The following HSCB variants were observed in gnomAD, a reference collection of about 807,000 sequenced individuals.
HSCB encodes HscB mitochondrial iron-sulfur cluster cochaperone.
A neutral mutation model predicts 31.3 loss-of-function variants in HSCB; 23 were observed. The observed-to-expected ratio is 0.74, with a 90% CI of 0.53 to 1.04. The LOEUF (loss-of-function observed/expected upper bound fraction) is 1.04. Ranked by LOEUF, HSCB falls within the 50% of genes least tolerant of loss-of-function variation. The probability of loss-of-function intolerance (pLI) is 0.00; values close to 1 mark genes in which losing one functional copy is unlikely to be tolerated. For synonymous variants in HSCB, 110 were observed against 104.5 expected, an observed-to-expected ratio of 1.05 and a Z score of -0.32; for missense variants, 297 against 288.1, an observed-to-expected ratio of 1.03 and a Z score of -0.22.
rs1020780552 is a variant in HSCB, at chr22:28,757,409, C to T, written c.*240C>T. 8 of 357,886 alleles carry T rather than the reference C, an allele frequency of 2.2e-5. No homozygotes were observed. The highest frequency in any genetic ancestry group is 1.0e-4 in the South Asian group (4 of 39,186). 22.2% of individuals were successfully genotyped at this position (357,886 alleles called of 1,614,324 possible). On this transcript the variant is annotated 3_prime_UTR_variant, in exon 6 of 6. Transcript: ENST00000216027. Reference sequence around the variant, plus strand: ...CCGAGGCAGGAGAATCGCTTAAACCCGTGAGGTGGAGGTTGCAGTGAGCAG... The same window carrying T: ...CCGAGGCAGGAGAATCGCTTAAACCTGTGAGGTGGAGGTTGCAGTGAGCAG...
intron 5 of HSCB, among the ~76,000 whole-genome samples, chr22:28,753,036 G>T (rs1047526023): frequency 6.6e-6 from 1 of 151,642 alleles, no homozygotes; most frequent in Non-Finnish European, 1.5e-5. Context: ...CCGAGATCAC[G>T]CCAATGCACT....
intron 4 of HSCB, among the ~76,000 whole-genome samples, chr22:28,748,017 C>A (rs1001857227): frequency 6.6e-6 from 1 of 152,130 alleles, no homozygotes; most frequent in African/African-American, 2.4e-5. Flanking sequence ...AACCCTGTCT[C>A]TACTAAAAAT....
intron 5 of HSCB, among the ~76,000 whole-genome samples, chr22:28,751,623 G>A (rs1157369111): frequency 6.6e-6 from 1 of 151,970 alleles, no homozygotes; most frequent in Non-Finnish European, 1.5e-5. Flanking sequence ...CACAACGCCT[G>A]TAGTCCCAGC....
chr22:28,744,757 C>CTGTCCTACGCCATAATG, intron 3 of HSCB, 53 bp downstream of exon 3: 1 of 1,344,528 alleles, frequency 7.4e-7, no homozygotes, highest in Non-Finnish European at 1.1e-6. Flanking sequence ...CCCATTATGG[C>CTGTCCTACGCCATAATG]GTAGGACAGC....
chr22:28,743,057 AC>A (rs2054612077), intron 1 of HSCB, among the ~76,000 whole-genome samples: 1 of 152,174 alleles, frequency 6.6e-6, no homozygotes, highest in African/African-American at 2.4e-5. Context: ...ATTAAAGAAA[AC>A]ATGATTCAGT....
At position 28,742,284 on chromosome 22, in the gene HSCB, G is replaced by C; in HGVS notation, c.189G>C (p.Ala63=). The part of the protein sequence containing the change: ...EDRFFCPQCR[A]LQAPDPTRDY... ...GGTTCTTCTGCCCACAGTGCCGAGCGCTGCAGGCACCTGACCCCACTCGAG... is the reference window on the plus strand; with the variant it reads ...GGTTCTTCTGCCCACAGTGCCGAGCCCTGCAGGCACCTGACCCCACTCGAG... The change falls in exon 1 of 6, where the codon GCG becomes GCC. Residue 63 remains alanine (A), a synonymous_variant. Coordinates refer to ENST00000216027, the MANE Select transcript of HSCB (RefSeq NM_172002.5). 1 of 1,614,128 alleles carries C rather than the reference G, an allele frequency of 6.2e-7. No individual in the cohort carries two copies. The highest frequency in any genetic ancestry group is 8.5e-7 in the Non-Finnish European group (1 of 1,180,020).
chr22:28,755,998 C>A (rs1208082540), intron 5 of HSCB, among the ~76,000 whole-genome samples: 19 of 152,024 alleles, frequency 1.2e-4, no homozygotes, highest in Admixed American at 1.2e-3. Flanking sequence ...ATAATCCCAG[C>A]ACTTTGGGAG....
chr22:28,749,218 C>T (rs1051729807), intron 4 of HSCB, among the ~76,000 whole-genome samples: 7 of 152,102 alleles, frequency 4.6e-5, no homozygotes, highest in African/African-American at 1.4e-4. Flanking sequence ...GGCCCGGATG[C>T]CGTGGCCTCT....
chr22:28,743,858 T>C, intron 1 of HSCB, 24 bp from the exon 2 acceptor site: 1 of 1,589,582 alleles, frequency 6.3e-7, no homozygotes, highest in African/African-American at 1.3e-5. Context: ...GTTGTATAAA[T>C]TTAATCTCCC....
rs758451182 is a variant in HSCB at position 28,750,945 on chromosome 22, C to CTTTTTTTTT, written c.569-280_569-272dup. ...GGAGATAATCAAAGTATATCTTTGT[C>CTTTTTTTTT]TTTTTTTTTTTTTTTTTTTTTTTTA... is the stretch of plus-strand genomic sequence containing the variant. On this transcript the variant is annotated intron_variant, in intron 4 of 5. Coordinates refer to ENST00000216027, the MANE Select transcript of HSCB (RefSeq NM_172002.5). Among the ~76,000 whole-genome samples, 77 of 56,318 alleles carry CTTTTTTTTT rather than the reference C, an allele frequency of 1.4e-3. 2 individuals carry two copies. The highest frequency in any genetic ancestry group is 2.2e-3 in the South Asian group (2 of 904). 36.9% of individuals were successfully genotyped at this position (56,318 alleles called of 152,430 possible). A position where few individuals can be genotyped will look rare whatever the true frequency, so the allele number is the denominator to read the frequency against.
At chr22:28,755,833 T>G (rs556932300) in intron 5 of HSCB, among the ~76,000 whole-genome samples, 2 of 152,278 alleles carry the variant, frequency 1.3e-5, no homozygotes, top group East Asian at 3.9e-4. Context: ...ATAAGATGAT[T>G]AGCAGCATCC....
intron 4 of HSCB, among the ~76,000 whole-genome samples, chr22:28,748,314 G>A (rs747552548): frequency 2.0e-5 from 3 of 152,134 alleles, no homozygotes. Context: ...TATTACATCT[G>A]AAAGAGCTGA....
rs1288409812 is a variant in HSCB, at chr22:28,742,242, C to T, written c.147C>T (p.Gly49=). 2.5e-6 allele frequency: 4 copies of T among 1,614,008 alleles called. No homozygotes were observed. Among genetic ancestry groups the T allele is most frequent in the Non-Finnish European group, 2.5e-6 (3 of 1,180,004 alleles). ...GTTGGAACTGCGGCGGCCCATGGGG[C>T]CCCGGGCGGGAGGACAGGTTCTTCT... is the stretch of plus-strand genomic sequence containing the variant. ...PRCWNCGGPW[G]PGREDRFFCP... Residue 49 remains glycine (G), a synonymous_variant, in exon 1 of 6, where the codon GGC becomes GGT. Transcript: ENST00000216027.
In HSCB at chr22:28,750,564, A is replaced by C. The variant is rs145399340; in HGVS notation, c.569-677A>C. ...TTCCCAGCTCTTCCACTCATCACCC[A>C]TGGGACAATTCCCCCAATACCTGTC... is the stretch of plus-strand genomic sequence containing the variant. On this transcript the variant is annotated intron_variant, in intron 4 of 5. Transcript: ENST00000216027. Among the ~76,000 whole-genome samples the C allele has an allele frequency of 1.8e-3, 280 of 152,268 alleles. 2 individuals are homozygous for C. Among genetic ancestry groups the C allele is most frequent in the Middle Eastern group, 0.014 (4 of 294 alleles).
chr22:28,752,947 C>T (rs1403016488), intron 5 of HSCB, among the ~76,000 whole-genome samples: 4 of 147,246 alleles, frequency 2.7e-5, no homozygotes, highest in African/African-American at 7.5e-5. Flanking sequence ...GGCATGGTGG[C>T]GCTCGCCTGT....
chr22:28,742,224 C>G lies in HSCB; in HGVS notation c.129C>G (p.Asn43Lys). 4 of 1,613,966 alleles carry G rather than the reference C, an allele frequency of 2.5e-6. No homozygotes were observed. In the South Asian group the frequency reaches 4.4e-5, roughly 18 times the overall value. The change falls in exon 1 of 6, where the codon AAC (asparagine) becomes AAG (lysine). Residue 43 changes from asparagine to lysine, a missense_variant. Physicochemically the swap from Asn to Lys is moderately conservative, Grantham distance 94 (BLOSUM62 0). Transcript: ENST00000216027. Reference protein sequence around the residue: ...QAGSNYPRCWNCGGPWGPGRE... With the variant: ...QAGSNYPRCWKCGGPWGPGRE... ...GAAGCAATTATCCCCGCTGTTGGAACTGCGGCGGCCCATGGGGCCCCGGGC... is the reference window on the plus strand; with the variant it reads ...GAAGCAATTATCCCCGCTGTTGGAAGTGCGGCGGCCCATGGGGCCCCGGGC...
In HSCB at chr22:28,745,939, G is replaced by T. The variant is rs200965184; in HGVS notation, c.499G>T (p.Glu167Ter). 1 of 1,613,434 alleles carries T rather than the reference G, an allele frequency of 6.2e-7. No individual in the cohort carries two copies. The highest frequency in any genetic ancestry group is 1.3e-5 in the African/African-American group (1 of 75,050). ...MDRQFLIEIM[E>*]INEKLAEAES... ...CAGGCAATTCCTCATAGAAATAATG[G>T]AAATCAATGAAAAACTCGCAGAAGC... The change falls in exon 4 of 6, where the codon GAA (glutamate) becomes TAA (stop). Residue 167 changes from glutamate (E) to a stop codon, truncating the protein, a stop_gained. Transcript: ENST00000216027. LOFTEE classifies it high-confidence loss of function.
chr22:28,742,588 A>C, intron 1 of HSCB: 31 of 387,658 alleles, frequency 8.0e-5, no homozygotes, highest in East Asian at 1.6e-4. Flanking sequence ...GTTAGAGGAA[A>C]TAGGGGGGCC....
intron 1 of HSCB, among the ~76,000 whole-genome samples, chr22:28,742,979 G>A (rs1257939824): frequency 6.6e-6 from 1 of 152,078 alleles, no homozygotes; most frequent in Non-Finnish European, 1.5e-5. Flanking sequence ...ATGTGAAAGG[G>A]GCTGAATTAA....
Sources: gnomAD v4.1 joint callset for allele counts (sites outside exome capture counted in the v4.1 genomes callset) on GRCh38, gnomAD v4.1.1 for gene constraint, MANE v1.5 for transcripts, NCBI Gene and HGNC (gene_info 2026-07-23, HGNC 2026-07-21) for gene names.